The following IL12RB1 variants were observed in gnomAD, a reference collection of about 807,000 sequenced individuals.
IL12RB1 encodes interleukin-12 receptor subunit beta-1.
IL12RB1 carries 64 observed loss-of-function variants against 94.4 expected under a neutral mutation model. That is an observed-to-expected ratio of 0.68 (90% confidence interval 0.55 to 0.83). The LOEUF (loss-of-function observed/expected upper bound fraction) is 0.83. Ranked by LOEUF, IL12RB1 falls within the 40% of genes least tolerant of loss-of-function variation. IL12RB1 has a pLI of 0.00. For synonymous variants in IL12RB1, 362 were observed against 355.5 expected (o/e 1.02, Z -0.21); for missense variants, 814 against 855.6 (o/e 0.95, Z 0.61).
upstream of IL12RB1, among the ~76,000 whole-genome samples, chr19:18,087,489 C>T (rs1246898003): frequency 1.3e-5 from 2 of 152,074 alleles, no homozygotes; most frequent in Non-Finnish European, 2.9e-5. Context: ...GGATGACAGG[C>T]GTGAGCTACC....
intron 13 of IL12RB1, among the ~76,000 whole-genome samples, chr19:18,063,078 ATTTTTTTTTTTTTTTTTTTTTT>A (rs67262412): frequency 2.3e-4 from 12 of 51,434 alleles, no homozygotes; most frequent in African/African-American, 1.1e-3. Context: ...TTCTTCTTCT[ATTTTTTTTTTTTTTTTTTTTTT>A]TTTTTTTTTT....
At position 18,061,200 on chromosome 19, in the gene IL12RB1, G is replaced by T. The variant is rs778895428; in HGVS notation, c.1716-3C>A. ...GCGGGCACAGGTGCCGTGCGGCCCTGGGGAGGAAAGGGGACCAGTGAGAGG... is the reference window on the plus strand; with the variant it reads ...GCGGGCACAGGTGCCGTGCGGCCCTTGGGAGGAAAGGGGACCAGTGAGAGG... On this transcript the variant is annotated splice_region_variant and splice_polypyrimidine_tract_variant and intron_variant, in intron 14 of 16. Coordinates refer to ENST00000593993, the MANE Select transcript of IL12RB1 (RefSeq NM_005535.3). 2 of 1,529,754 alleles carry T rather than the reference G, an allele frequency of 1.3e-6. No homozygotes were observed. Among genetic ancestry groups the T allele is most frequent in the East Asian group, 2.3e-5 (1 of 43,310 alleles). The allele number at this position is 1,529,754 out of a possible 1,614,324, so 94.8% of individuals were successfully genotyped here.
chr19:18,080,048 CTTTTTTCTT>C (rs895602168), intron 4 of IL12RB1, among the ~76,000 whole-genome samples: 12 of 151,866 alleles, frequency 7.9e-5, no homozygotes, highest in South Asian at 2.1e-4. Context: ...CTTTTCTTTT[CTTTTTTCTT>C]TTTTTTCTTT....
chr19:18,062,220 A>T lies in IL12RB1; in HGVS notation c.1676T>A (p.Ile559Asn), dbSNP rs2034190456. 4 of 1,613,542 alleles carry T rather than the reference A, an allele frequency of 2.5e-6. No individual in the cohort carries two copies. Among genetic ancestry groups the T allele is most frequent in the Non-Finnish European group, 3.4e-6 (4 of 1,179,654 alleles). Residue 559 changes from isoleucine to asparagine, a missense_variant, in exon 14 of 17, where the codon ATC becomes AAC. Physicochemically the swap from Ile to Asn is moderately radical, Grantham distance 149. Coordinates refer to ENST00000593993, the MANE Select transcript of IL12RB1 (RefSeq NM_005535.3). ...FFASLGSFLS[I>N]LLVGVLGYLG... is the part of the protein sequence containing the mutation. ...GTAGCCAAGGACGCCCACGAGAAGG[A>T]TGCTCAGGAAGCTCCCCAGGGAGGC...
Position 18,080,885 on chromosome 19 carries a change from G to T in IL12RB1, c.356C>A (p.Ala119Asp). 2 of 1,612,070 alleles carry T rather than the reference G, an allele frequency of 1.2e-6. No homozygotes were observed. The highest frequency in any genetic ancestry group is 1.7e-6 in the Non-Finnish European group (2 of 1,178,194). ...AGGAGACTTCTCTGTCTGGTTCCTG[G>T]CCCAGGATTCCACCCAGAGTGTGAC... ...YTVTLWVESW[A>D]RNQTEKSPEV... is the part of the protein sequence containing the mutation. The change falls in exon 4 of 17, where the codon GCC becomes GAC. Residue 119 changes from alanine (A) to aspartate (D), a missense_variant. Ala to Asp is a moderately radical substitution (Grantham distance 126). Coordinates refer to ENST00000593993, the MANE Select transcript of IL12RB1 (RefSeq NM_005535.3).
At chr19:18,094,647 T>C (rs147689848) in intron 1 of IL12RB1, among the ~76,000 whole-genome samples, 1,957 of 152,266 alleles carry the variant, frequency 0.013, 62 homozygotes, top group African/African-American at 0.045. Flanking sequence ...GAGGATCGCT[T>C]GAGCCCAAGA....
At chr19:18,085,194 C>T (rs965668749) in intron 1 of IL12RB1, among the ~76,000 whole-genome samples, 1 of 152,126 alleles carries the variant, frequency 6.6e-6, no homozygotes, top group Non-Finnish European at 1.5e-5. Context: ...CTGTCCTGAG[C>T]CCTGCAGGCA....
At position 18,080,967 on chromosome 19, in the gene IL12RB1, C is replaced by T. The variant is rs776835424; in HGVS notation, c.274G>A (p.Gly92Ser). The change falls in exon 4 of 17, where the codon GGC becomes AGC. Residue 92 changes from glycine to serine, a missense_variant. By Grantham distance (56) the Gly-to-Ser change is moderately conservative. Transcript: ENST00000593993. ...GAGAACTGCAGCCTGGTGGCTGAGC[C>T]GGCGGCGAAGTAGCAGCAGCGCCCG... ...SSGRCCYFAAGSATRLQFSDQ... is the reference protein window; with the variant it reads ...SSGRCCYFAASSATRLQFSDQ... The T allele has an allele frequency of 2.7e-5, 44 of 1,613,412 alleles. No individual in the cohort carries two copies. Among genetic ancestry groups the T allele is most frequent in the Middle Eastern group, 1.7e-4 (1 of 5,958 alleles).
chr19:18,082,554 T>A (rs2035992842), intron 2 of IL12RB1, among the ~76,000 whole-genome samples: 1 of 152,106 alleles, frequency 6.6e-6, no homozygotes, highest in Non-Finnish European at 1.5e-5. Flanking sequence ...CCTCCTCTGG[T>A]TCTTCAAAAC....
At chr19:18,092,461 G>A (rs1281992600) in intron 1 of IL12RB1, among the ~76,000 whole-genome samples, 1 of 151,752 alleles carries the variant, frequency 6.6e-6, no homozygotes, top group East Asian at 2.0e-4. Flanking sequence ...TTGCACTCCA[G>A]CCTGGGCAAC....
At chr19:18,091,868 CTTT>C (rs1264996682), upstream of IL12RB1, among the ~76,000 whole-genome samples, 11 of 120,488 alleles carry the variant, frequency 9.1e-5, no homozygotes, top group Admixed American at 1.7e-4. Context: ...CCTGGCTTTT[CTTT>C]TTTTTTTTTT....
At chr19:18,067,496 T>C (rs570890381) in intron 11 of IL12RB1, among the ~76,000 whole-genome samples, 35 of 152,088 alleles carry the variant, frequency 2.3e-4, no homozygotes, top group African/African-American at 7.7e-4. Context: ...GGCCTCAGTT[T>C]TCTTATCTAT....
chr19:18,063,781 G>T, intron 13 of IL12RB1, 95 bp downstream of exon 13: 2 of 1,137,650 alleles, frequency 1.8e-6, no homozygotes, highest in Non-Finnish European at 1.3e-6. Context: ...AGCCATAGAG[G>T]GAGTGAGAGT....
At chr19:18,062,106 G>A in intron 14 of IL12RB1, 75 bp downstream of exon 14, 1 of 994,336 alleles carries the variant, frequency 1.0e-6, no homozygotes, top group Admixed American at 1.8e-5. Context: ...CAATCTGCGG[G>A]CTAAGCTCCA....
chr19:18,084,668 T>G (rs926559693), intron 1 of IL12RB1, among the ~76,000 whole-genome samples: 21 of 146,316 alleles, frequency 1.4e-4, no homozygotes, highest in African/African-American at 5.4e-4. Flanking sequence ...CAGCCATCCA[T>G]CCATCCATCC....
intron 15 of IL12RB1, among the ~76,000 whole-genome samples, chr19:18,060,409 T>C (rs1045882832): frequency 1.3e-5 from 2 of 152,020 alleles, no homozygotes; most frequent in South Asian, 4.2e-4. Context: ...AACCCGGGAA[T>C]CAGAGGTTGC....
upstream of IL12RB1, chr19:18,091,687 TTGAGGA>T (rs1379283368): frequency 6.6e-6 from 1 of 152,030 alleles, no homozygotes; most frequent in Non-Finnish European, 1.5e-5. Flanking sequence ...GAGGGATCAT[TTGAGGA>T]TGTTTAATTA....
At chr19:18,071,790 G>T (rs2035069069) in intron 9 of IL12RB1, among the ~76,000 whole-genome samples, 1 of 152,144 alleles carries the variant, frequency 6.6e-6, no homozygotes, top group South Asian at 2.1e-4. Flanking sequence ...TCCTGCCTCA[G>T]CCTCCCAAGT....
chr19:18,066,025 GAGT>G (rs2034553666), intron 12 of IL12RB1, among the ~76,000 whole-genome samples: 1 of 147,670 alleles, frequency 6.8e-6, no homozygotes, highest in Non-Finnish European at 1.5e-5. Flanking sequence ...GGCACAGAGT[GAGT>G]CCCTGTCTAT....
Sources: allele counts gnomAD v4.1 joint callset (sites outside exome capture counted in the v4.1 genomes callset), GRCh38; gene constraint gnomAD v4.1.1; transcripts MANE v1.5; gene names NCBI Gene and HGNC (gene_info 2026-07-23, HGNC 2026-07-21).